RBFOX1: variants seen among roughly 807,000 people sequenced by gnomAD.
RBFOX1 encodes RNA binding protein fox-1 homolog 1.
RBFOX1 carries 8 observed loss-of-function variants against 57.7 expected under a neutral mutation model. The observed-to-expected ratio is 0.14, with a 90% CI of 0.08 to 0.25. The LOEUF (loss-of-function observed/expected upper bound fraction) is 0.25, where lower values mean the gene tolerates loss of function less well. RBFOX1 is among the 10% of genes least tolerant of loss of function. The probability of loss-of-function intolerance (pLI) is 1.00; values close to 1 mark genes in which losing one functional copy is unlikely to be tolerated. For missense variants in RBFOX1, 611 were observed against 548.5 expected (o/e 1.11, Z -1.14); for synonymous variants, 326 against 222.4 (o/e 1.47, Z -4.15).
At chr16:7,574,887 C>G (rs750885773) in intron 5 of RBFOX1, among the ~76,000 whole-genome samples, 1 of 152,170 alleles carries the variant, frequency 6.6e-6, no homozygotes, top group Non-Finnish European at 1.5e-5. Flanking sequence ...ATCTTGAGAA[C>G]TTCGTGCTGC....
chr16:6,031,937 G>C (rs1006767992), intron 1 of RBFOX1, among the ~76,000 whole-genome samples: 9 of 152,158 alleles, frequency 5.9e-5, no homozygotes, highest in African/African-American at 2.2e-4. Flanking sequence ...TCACGAGAAA[G>C]GGGAGGTCAT....
chr16:5,595,557 G>C (rs1443222353), intron 2 of RBFOX1, among the ~76,000 whole-genome samples: 5 of 152,220 alleles, frequency 3.3e-5, no homozygotes, highest in African/African-American at 9.6e-5. Context: ...TTGCAGATCA[G>C]ATCTTCTCTG....
intron 1 of RBFOX1, among the ~76,000 whole-genome samples, chr16:6,073,834 A>G (rs2095864276): frequency 6.6e-6 from 1 of 152,202 alleles, no homozygotes; most frequent in Non-Finnish European, 1.5e-5. Context: ...AGGTGATAGA[A>G]AAGCAATTCA....
intron 3 of RBFOX1, among the ~76,000 whole-genome samples, chr16:7,020,908 C>T (rs934446081): frequency 6.6e-6 from 1 of 152,190 alleles, no homozygotes; most frequent in African/African-American, 2.4e-5. Flanking sequence ...AGGCAAATCG[C>T]TTGAGGCCAG....
intron 4 of RBFOX1, among the ~76,000 whole-genome samples, chr16:7,306,661 TG>T (rs1221534497): frequency 6.6e-6 from 1 of 152,182 alleles, no homozygotes; most frequent in East Asian, 1.9e-4. Flanking sequence ...CATTTATTTT[TG>T]CCTGTTTCAT....
chr16:6,817,362 CT>C (rs1404551089), intron 3 of RBFOX1, among the ~76,000 whole-genome samples: 27 of 152,010 alleles, frequency 1.8e-4, no homozygotes, highest in African/African-American at 6.5e-4. Context: ...GTGTGTCACC[CT>C]TCTTTAGTGT....
chr16:6,813,031 C>T (rs2032439968), intron 3 of RBFOX1, among the ~76,000 whole-genome samples: 2 of 151,896 alleles, frequency 1.3e-5, no homozygotes. Flanking sequence ...TCACAAAAGA[C>T]CTATTGTCAT....
At chr16:5,443,264 A>G (rs955220398) in intron 1 of RBFOX1, among the ~76,000 whole-genome samples, 2 of 152,194 alleles carry the variant, frequency 1.3e-5, no homozygotes, top group Non-Finnish European at 2.9e-5. Flanking sequence ...GCATATTCTA[A>G]GCTCCAGGTC....
At chr16:6,421,552 A>G (rs2093771671) in intron 2 of RBFOX1, among the ~76,000 whole-genome samples, 2 of 152,210 alleles carry the variant, frequency 1.3e-5, no homozygotes, top group South Asian at 4.1e-4. Context: ...CATTATGGCC[A>G]TGAGCATGGA....
intron 4 of RBFOX1, among the ~76,000 whole-genome samples, chr16:7,205,898 TGGTGTCCCCACTTC>T (rs996250040): frequency 1.3e-4 from 20 of 152,352 alleles, no homozygotes; most frequent in African/African-American, 3.6e-4. Flanking sequence ...CAGCTATTAG[TGGTGTCCCCACTTC>T]GGTGTTTATG....
intron 1 of RBFOX1, among the ~76,000 whole-genome samples, chr16:5,442,902 A>G (rs1223825625): frequency 6.6e-6 from 1 of 152,202 alleles, no homozygotes; most frequent in African/African-American, 2.4e-5. Context: ...TGCATTTAAG[A>G]TGGACCTGAA....
chr16:7,484,022 T>C (rs1352981861), intron 4 of RBFOX1, among the ~76,000 whole-genome samples: 1 of 152,226 alleles, frequency 6.6e-6, no homozygotes, highest in East Asian at 1.9e-4. Context: ...CCCTAACCCC[T>C]GGCAAGTATT....
At position 6,806,440 on chromosome 16, in the gene RBFOX1, A is replaced by T. The variant is rs140234313; in HGVS notation, c.-16+151790A>T. Reference sequence around the variant, plus strand: ...GCATCTTTTTCAAATTCATATGCTAACTAGAGCTAACAAATGTTAAATAAT... The same window carrying T: ...GCATCTTTTTCAAATTCATATGCTATCTAGAGCTAACAAATGTTAAATAAT... On this transcript the variant is annotated intron_variant, in intron 3 of 15. Coordinates refer to ENST00000550418, the MANE Select transcript of RBFOX1 (RefSeq NM_018723.4). 4.7e-3 allele frequency among the ~76,000 whole-genome samples: 717 copies of T among 152,262 alleles called. 5 individuals are homozygous for T. Among genetic ancestry groups the T allele is most frequent in the Middle Eastern group, 0.034 (10 of 294 alleles).
chr16:7,555,265 C>T (rs1434417289), intron 5 of RBFOX1, among the ~76,000 whole-genome samples: 1 of 152,158 alleles, frequency 6.6e-6, no homozygotes, highest in Non-Finnish European at 1.5e-5. Context: ...ATTTCTGTTG[C>T]AGCAAAAGGC....
Position 5,382,525 on chromosome 16 carries a change from G to A in RBFOX1, c.220-84691G>A, listed in dbSNP as rs150006168. On this transcript the variant is annotated intron_variant, in intron 1 of 2. Transcript: ENST00000585867. ...TGCAATCTGTGGCCATTTCTGTAGC[G>A]TTCTGATTTGCAAACAGGACTCACC... is the stretch of plus-strand genomic sequence containing the variant. Among the ~76,000 whole-genome samples, 969 of 152,102 alleles carry A rather than the reference G, an allele frequency of 6.4e-3. 7 individuals carry two copies. The highest frequency in any genetic ancestry group is 8.4e-3 in the Non-Finnish European group (573 of 67,996).
At chr16:7,076,923 C>G (rs2058398808) in intron 4 of RBFOX1, among the ~76,000 whole-genome samples, 1 of 152,196 alleles carries the variant, frequency 6.6e-6, no homozygotes, top group Admixed American at 6.5e-5. Flanking sequence ...TAAACACTTA[C>G]TTTCTAACAA....
At chr16:5,649,974 G>A (rs1421541386) in intron 3 of RBFOX1, among the ~76,000 whole-genome samples, 1 of 152,154 alleles carries the variant, frequency 6.6e-6, no homozygotes, top group East Asian at 1.9e-4. Context: ...GGGGAGGTCG[G>A]CCCACAGGAA....
intron 3 of RBFOX1, among the ~76,000 whole-genome samples, chr16:6,892,284 G>A (rs1190040246): frequency 1.3e-5 from 2 of 152,224 alleles, no homozygotes; most frequent in South Asian, 4.1e-4. Flanking sequence ...TTTTAGACAA[G>A]ACTCTTCGAC....
At position 5,817,456 on chromosome 16, in the gene RBFOX1, C is replaced by T. The variant is rs2055684347; in HGVS notation, c.319-49847C>T. Among the ~76,000 whole-genome samples, 5 of 152,100 alleles carry T rather than the reference C, an allele frequency of 3.3e-5. No individual in the cohort carries two copies. The South Asian group carries it at 1.0e-3, about 32-fold the overall frequency. On this transcript the variant is annotated intron_variant, in intron 3 of 19. Coordinates refer to the RBFOX1 transcript ENST00000641259. ...TGTAGGTAATAAATAAATGTCTTTTCAATGAGTAAGAGAGTGAGAAATTAA... is the reference window on the plus strand; with the variant it reads ...TGTAGGTAATAAATAAATGTCTTTTTAATGAGTAAGAGAGTGAGAAATTAA...
Sources: allele counts gnomAD v4.1 joint callset (sites outside exome capture counted in the v4.1 genomes callset), GRCh38; gene constraint gnomAD v4.1.1; transcripts MANE v1.5; gene names NCBI Gene and HGNC (gene_info 2026-07-23, HGNC 2026-07-21).